LRRC14: variants seen among roughly 807,000 people sequenced by gnomAD.
LRRC14 encodes leucine-rich repeat-containing protein 14.
Under a neutral mutation model 25.3 loss-of-function variants are expected in LRRC14, and 16 were observed. The ratio of observed to expected loss-of-function variants is 0.63; its 90% CI spans 0.43 to 0.96. The LOEUF is 0.96. LRRC14 is among the 40% of genes least tolerant of loss of function. The pLI is 0.00. For synonymous variants in LRRC14, 359 were observed against 295.1 expected, an observed-to-expected ratio of 1.22 and a Z score of -2.22; for missense variants, 594 against 660.5, an observed-to-expected ratio of 0.90 and a Z score of 1.10.
chr8:144,524,431 A>G lies in LRRC14; in HGVS notation c.*2953A>G, dbSNP rs1249691511. ...GGAGTATCCCGCCCCTTTAGACCCC[A>G]GGCGCTCACCGGCAGGTGCAAGAAG... is the stretch of plus-strand genomic sequence containing the variant. On this transcript the variant is annotated 3_prime_UTR_variant, in exon 4 of 4. Coordinates refer to ENST00000292524, the MANE Select transcript of LRRC14 (RefSeq NM_014665.4). The G allele has an allele frequency of 1.3e-6, 2 of 1,597,602 alleles. No homozygotes were observed. Among genetic ancestry groups the G allele is most frequent in the Non-Finnish European group, 8.5e-7 (1 of 1,179,698 alleles).
Position 144,522,452 on chromosome 8 carries a change from ACGTCATCCGCGCGCCCG to A in LRRC14, c.*977_*993del, listed in dbSNP as rs1370572028. On this transcript the variant is annotated 3_prime_UTR_variant, in exon 4 of 4. Coordinates refer to ENST00000292524, the MANE Select transcript of LRRC14 (RefSeq NM_014665.4). ...CCGCACCGGCCAATCTCCGGCGCCC[ACGTCATCCGCGCGCCCG>A]CGGCCCTAGCAGTGGATCTCGTAGG... 4 of 1,394,938 alleles carry A rather than the reference ACGTCATCCGCGCGCCCG, an allele frequency of 2.9e-6. No individual in the cohort carries two copies. Among genetic ancestry groups the A allele is most frequent in the Non-Finnish European group, 2.8e-6 (3 of 1,083,744 alleles). The allele number at this position is 1,394,938 out of a possible 1,614,324, so 86.4% of individuals were successfully genotyped here.
intron 1 of LRRC14, chr8:144,519,317 C>G: frequency 3.6e-6 from 1 of 280,938 alleles, no homozygotes; most frequent in Non-Finnish European, 7.0e-6. Context: ...GAGTCCTGGG[C>G]TTTATTCAGG....
Position 144,523,967 on chromosome 8 carries a change from G to T in LRRC14, c.*2489G>T. 1.0e-6 allele frequency: 1 copy of T among 961,378 alleles called. No homozygotes were observed. The highest frequency in any genetic ancestry group is 1.6e-6 in the Non-Finnish European group (1 of 641,664). 59.6% of individuals were successfully genotyped at this position (961,378 alleles called of 1,614,324 possible). A position where few individuals can be genotyped will look rare whatever the true frequency, so the allele number is the denominator to read the frequency against. Reference sequence around the variant, plus strand: ...ATTCCCCAGCACACCCACTCCCGCAGCCCTCCAGTGTGGCTGCAGGCGGTG... The same window carrying T: ...ATTCCCCAGCACACCCACTCCCGCATCCCTCCAGTGTGGCTGCAGGCGGTG... On this transcript the variant is annotated 3_prime_UTR_variant, in exon 4 of 4. Transcript: ENST00000292524.
rs2130781843 is a variant in LRRC14, at chr8:144,521,933, T to TA, written c.*456dup. 1.1e-5 allele frequency: 2 copies of TA among 185,250 alleles called. No individual in the cohort carries two copies. Among genetic ancestry groups the TA allele is most frequent in the Middle Eastern group, 2.4e-3 (1 of 416 alleles). 11.5% of individuals were successfully genotyped at this position (185,250 alleles called of 1,614,324 possible). On this transcript the variant is annotated 3_prime_UTR_variant, in exon 4 of 4. Coordinates refer to ENST00000292524, the MANE Select transcript of LRRC14 (RefSeq NM_014665.4). ...GGAGTCCCCAGGCACTCACGCCTCT[T>TA]ACGTGTTCCCTACCCTGCCACCCAG... is the stretch of plus-strand genomic sequence containing the variant.
At position 144,522,028 on chromosome 8, in the gene LRRC14, G is replaced by C; in HGVS notation, c.*550G>C. The C allele has an allele frequency of 5.6e-6, 1 of 179,774 alleles. No homozygotes were observed. The highest frequency in any genetic ancestry group is 1.1e-5 in the Non-Finnish European group (1 of 86,972). The allele number at this position is 179,774 out of a possible 1,614,324, so 11.1% of individuals were successfully genotyped here. A position where few individuals can be genotyped will look rare whatever the true frequency, so the allele number is the denominator to read the frequency against. On this transcript the variant is annotated 3_prime_UTR_variant, in exon 4 of 4. Coordinates refer to ENST00000292524, the MANE Select transcript of LRRC14 (RefSeq NM_014665.4). ...ACACATGTGCCTGGAAGTTGAATTT[G>C]TGGCTGTTTTTTTTTCTGTCCACGT...
In LRRC14 at chr8:144,520,631, C is replaced by T. The variant is rs768443716; in HGVS notation, c.723C>T (p.Ile241=). Residue 241 remains isoleucine (I), a synonymous_variant, in exon 3 of 4, where the codon ATC becomes ATT. Coordinates refer to ENST00000292524, the MANE Select transcript of LRRC14 (RefSeq NM_014665.4). ...NLGLRGLSVI[I]PHVARFQHLA... ...GCCTGCGCGGCCTGTCTGTGATCAT[C>T]CCACACGTGGCCCGCTTCCAGCACC... 5 of 1,602,020 alleles carry T rather than the reference C, an allele frequency of 3.1e-6. No individual in the cohort carries two copies. Among genetic ancestry groups the T allele is most frequent in the Non-Finnish European group, 4.2e-6 (5 of 1,179,940 alleles).
chr8:144,523,033 G>A lies in LRRC14; in HGVS notation c.*1555G>A, dbSNP rs777304825. On this transcript the variant is annotated 3_prime_UTR_variant, in exon 4 of 4. Transcript: ENST00000292524. ...GCGTGATGTTGCTGAGGAAGAGCATGCCGCTGCCCGTGTCGGATGCCGAGT... is the reference window on the plus strand; with the variant it reads ...GCGTGATGTTGCTGAGGAAGAGCATACCGCTGCCCGTGTCGGATGCCGAGT... The A allele has an allele frequency of 6.2e-7, 1 of 1,600,874 alleles. No individual in the cohort carries two copies.
At chr8:144,518,207 C>G (rs997439740) in intron 1 of LRRC14, among the ~76,000 whole-genome samples, 166 bp downstream of exon 1, 1 of 151,820 alleles carries the variant, frequency 6.6e-6, no homozygotes, top group Admixed American at 6.5e-5. Context: ...GAGGTGCCAC[C>G]GCGGGCCGGG....
At position 144,522,757 on chromosome 8, in the gene LRRC14, G is replaced by A; in HGVS notation, c.*1279G>A. On this transcript the variant is annotated 3_prime_UTR_variant, in exon 4 of 4. Transcript: ENST00000292524. The stretch of plus-strand genomic sequence containing the variant: ...GCCGGCGACAGATCATGGCGACCAG[G>A]AGCAGCGCCGTGAGCGCCAGCAGCG... 3.2e-6 allele frequency: 5 copies of A among 1,579,520 alleles called. No homozygotes were observed. Among genetic ancestry groups the A allele is most frequent in the Non-Finnish European group, 4.3e-6 (5 of 1,165,478 alleles).
Position 144,521,636 on chromosome 8 carries a change from T to C in LRRC14, c.*158T>C. On this transcript the variant is annotated 3_prime_UTR_variant, in exon 4 of 4. Transcript: ENST00000292524. ...GGGCACACCTCAAGCCTCCCCTGCT[T>C]TCTGCAGTGCCCCACGCGGTTTTCC... 2.8e-6 allele frequency: 2 copies of C among 720,578 alleles called. No individual in the cohort carries two copies. Among genetic ancestry groups the C allele is most frequent in the Non-Finnish European group, 4.5e-6 (2 of 447,868 alleles). The allele number at this position is 720,578 out of a possible 1,614,324, so 44.6% of individuals were successfully genotyped here.
rs1416261348 is a variant in LRRC14 at position 144,519,696 on chromosome 8, T to A, written c.-30T>A. The A allele has an allele frequency of 1.3e-6, 2 of 1,569,058 alleles. No individual in the cohort carries two copies. Among genetic ancestry groups the A allele is most frequent in the Non-Finnish European group, 1.7e-6 (2 of 1,155,244 alleles). ...CTCCTCCCTGCTGAAGTCCCTCTCC[T>A]GCAGGTGGCCGTCTGCCCGGCCCAG... On this transcript the variant is annotated 5_prime_UTR_variant, in exon 2 of 4. Transcript: ENST00000292524.
chr8:144,520,185 G>A, intron 2 of LRRC14, 53 bp from the exon 3 acceptor site: 2 of 1,581,146 alleles, frequency 1.3e-6, no homozygotes, highest in Non-Finnish European at 1.7e-6. Flanking sequence ...GTGGCTGGGA[G>A]GGGGTATGGG....
chr8:144,520,866 A>G, intron 3 of LRRC14, 44 bp downstream of exon 3: 2 of 1,593,312 alleles, frequency 1.3e-6, no homozygotes, highest in Non-Finnish European at 1.7e-6. Flanking sequence ...TTCTGTAGGG[A>G]CCCTCCCTGG....
chr8:144,523,325 T>A lies in LRRC14; in HGVS notation c.*1847T>A. 6.3e-7 allele frequency: 1 copy of A among 1,598,874 alleles called. No homozygotes were observed. The highest frequency in any genetic ancestry group is 8.5e-7 in the Non-Finnish European group (1 of 1,170,268). The stretch of plus-strand genomic sequence containing the variant: ...GGGCTCTGCACACATGATCTTCCTG[T>A]CCCTGGAGGTGAGCAGCCGCTGGCC... On this transcript the variant is annotated 3_prime_UTR_variant, in exon 4 of 4. Coordinates refer to ENST00000292524, the MANE Select transcript of LRRC14 (RefSeq NM_014665.4).
chr8:144,519,845 G>A lies in LRRC14; in HGVS notation c.120G>A (p.Met40Ile). ...LFPLLFKVAFMDKKTVVLREL... is the reference protein window; with the variant it reads ...LFPLLFKVAFIDKKTVVLREL... ...CCCTGCTGTTCAAGGTGGCCTTCAT[G>A]GACAAGAAGACAGTGGTACTGCGCG... Residue 40 changes from methionine (M) to isoleucine (I), a missense_variant, in exon 2 of 4, where the codon ATG (methionine) becomes ATA (isoleucine). Met to Ile is a conservative substitution (Grantham distance 10). Transcript: ENST00000292524. 1 of 1,613,596 alleles carries A rather than the reference G, an allele frequency of 6.2e-7. No homozygotes were observed. The highest frequency in any genetic ancestry group is 8.5e-7 in the Non-Finnish European group (1 of 1,180,042).
Position 144,522,224 on chromosome 8 carries a change from C to G in LRRC14, c.*746C>G. The G allele has an allele frequency of 4.4e-6, 2 of 449,654 alleles. No individual in the cohort carries two copies. Among genetic ancestry groups the G allele is most frequent in the Non-Finnish European group, 7.2e-6 (2 of 277,066 alleles). 27.9% of individuals were successfully genotyped at this position (449,654 alleles called of 1,614,324 possible). A position where few individuals can be genotyped will look rare whatever the true frequency, so the allele number is the denominator to read the frequency against. On this transcript the variant is annotated 3_prime_UTR_variant, in exon 4 of 4. Transcript: ENST00000292524. ...AAGATCCTACTGTGGCCGGCCAGGG[C>G]CAGCGAGGGACCCCCCCCATGCAGA...
rs535499096 is a variant in LRRC14, at chr8:144,522,820, C to G, written c.*1342C>G. On this transcript the variant is annotated 3_prime_UTR_variant, in exon 4 of 4. Transcript: ENST00000292524. The stretch of plus-strand genomic sequence containing the variant: ...CAATGGCCGTCTGTGTGGCCACGCC[C>G]AGGGCGCGGAAGGCCATGCTGCCCG... The G allele has an allele frequency of 4.0e-6, 6 of 1,490,636 alleles. No homozygotes were observed. Among genetic ancestry groups the G allele is most frequent in the Non-Finnish European group, 5.3e-6 (6 of 1,123,790 alleles). 92.3% of individuals were successfully genotyped at this position (1,490,636 alleles called of 1,614,324 possible).
chr8:144,520,395 A>G lies in LRRC14; in HGVS notation c.487A>G (p.Ile163Val). Residue 163 changes from isoleucine to valine, a missense_variant, in exon 3 of 4, where the codon ATC (isoleucine) becomes GTC (valine). By Grantham distance (29) the Ile-to-Val change is conservative. Coordinates refer to ENST00000292524, the MANE Select transcript of LRRC14 (RefSeq NM_014665.4). Reference protein sequence around the residue: ...GGAAEPGPAPIPVEVRVDLRV... With the variant: ...GGAAEPGPAPVPVEVRVDLRV... The stretch of plus-strand genomic sequence containing the variant: ...GGCCGCAGAGCCTGGGCCAGCCCCC[A>G]TCCCCGTGGAGGTGCGCGTGGACCT... 6.2e-7 allele frequency: 1 copy of G among 1,608,060 alleles called. No individual in the cohort carries two copies. The highest frequency in any genetic ancestry group is 8.5e-7 in the Non-Finnish European group (1 of 1,178,268).
Position 144,522,378 on chromosome 8 carries a change from CAG to C in LRRC14, c.*901_*902del. On this transcript the variant is annotated 3_prime_UTR_variant, in exon 4 of 4. Coordinates refer to ENST00000292524, the MANE Select transcript of LRRC14 (RefSeq NM_014665.4). ...CCCGGCTCGCGCCCCACACACGGCT[CAG>C]CGCACACTGCGCGGCTTCCACCTTT... is the stretch of plus-strand genomic sequence containing the variant. 1 of 1,359,056 alleles carries C rather than the reference CAG, an allele frequency of 7.4e-7. No individual in the cohort carries two copies. Among genetic ancestry groups the C allele is most frequent in the Non-Finnish European group, 9.4e-7 (1 of 1,062,094 alleles). 84.2% of individuals were successfully genotyped at this position (1,359,056 alleles called of 1,614,324 possible). A position where few individuals can be genotyped will look rare whatever the true frequency, so the allele number is the denominator to read the frequency against.
Sources: gnomAD v4.1 joint callset for allele counts (sites outside exome capture counted in the v4.1 genomes callset) on GRCh38, gnomAD v4.1.1 for gene constraint, MANE v1.5 for transcripts, NCBI Gene and HGNC (gene_info 2026-07-23, HGNC 2026-07-21) for gene names.